The following ANKRD45 variants were observed in gnomAD, a reference collection of about 807,000 sequenced individuals.
The protein encoded by ANKRD45 is ankyrin repeat domain-containing protein 45.
Under a neutral mutation model 28.1 loss-of-function variants are expected in ANKRD45, and 21 were observed. That is an observed-to-expected ratio of 0.75 (90% CI 0.53 to 1.08). ANKRD45 has a LOEUF of 1.08. ANKRD45 is among the 50% of genes least tolerant of loss of function. The pLI is 0.00. For missense variants in ANKRD45, 261 were observed against 308.7 expected, an observed-to-expected ratio of 0.85 and a Z score of 1.16; for synonymous variants, 86 against 103.9, an observed-to-expected ratio of 0.83 and a Z score of 1.05.
intron 5 of ANKRD45, among the ~76,000 whole-genome samples, chr1:173,615,588 GA>G (rs984897021): frequency 1.3e-5 from 2 of 151,370 alleles, no homozygotes; most frequent in African/African-American, 4.9e-5. Flanking sequence ...ACTTTAAATA[GA>G]AAAAAAAGAC....
chr1:173,659,233 A>C lies in ANKRD45; in HGVS notation c.186T>G (p.His62Gln). ...AGAGAAGCTGCATGGCCTGTTCATG[A>C]TGAGGATTCTCAGGATCCTCAAATA... ...QKIFEDPENPHHEQAMQLLLE... is the reference protein window; with the variant it reads ...QKIFEDPENPQHEQAMQLLLE... Residue 62 changes from histidine to glutamine, a missense_variant, in exon 2 of 6, where the codon CAT becomes CAG. Coordinates refer to ENST00000333279, the MANE Select transcript of ANKRD45 (RefSeq NM_198493.3). 6.2e-7 allele frequency: 1 copy of C among 1,614,144 alleles called. No individual in the cohort carries two copies. Among genetic ancestry groups the C allele is most frequent in the African/African-American group, 1.3e-5 (1 of 75,030 alleles).
chr1:173,654,381 T>C lies in ANKRD45; in HGVS notation c.328+4710A>G, dbSNP rs189906087. Reference sequence around the variant, plus strand: ...AGCTTAGTTTGGCTGGATATGTAATTCTGGGTTGAAAATTCTTTTCTTTAA... The same window carrying C: ...AGCTTAGTTTGGCTGGATATGTAATCCTGGGTTGAAAATTCTTTTCTTTAA... On this transcript the variant is annotated intron_variant, in intron 2 of 5. Coordinates refer to ENST00000333279, the MANE Select transcript of ANKRD45 (RefSeq NM_198493.3). Among the ~76,000 whole-genome samples, 532 of 152,336 alleles carry C rather than the reference T, an allele frequency of 3.5e-3. 2 individuals carry two copies. The highest frequency in any genetic ancestry group is 0.012 in the African/African-American group (505 of 41,580).
At chr1:173,689,939 C>A in the ANKRD45 span, among the ~76,000 whole-genome samples, 3 of 151,834 alleles carry the variant, frequency 2.0e-5, no homozygotes, top group African/African-American at 7.2e-5. Context: ...GTAACTCGAC[C>A]CAAGTGTATA....
At chr1:173,680,382 CT>C in the ANKRD45 span, among the ~76,000 whole-genome samples, 1 of 152,112 alleles carries the variant, frequency 6.6e-6, no homozygotes, top group South Asian at 2.1e-4. Context: ...AGTCCACGTC[CT>C]TGGCAGGGAC....
chr1:173,635,804 G>A (rs552492014), intron 3 of ANKRD45: 13 of 1,533,166 alleles, frequency 8.5e-6, no homozygotes, highest in Non-Finnish European at 1.1e-5. Flanking sequence ...TGTTTTGTCT[G>A]TGCATTACCT....
intron 2 of ANKRD45, among the ~76,000 whole-genome samples, chr1:173,653,183 T>C (rs1468675031): frequency 6.6e-6 from 1 of 152,226 alleles, no homozygotes; most frequent in Non-Finnish European, 1.5e-5. Context: ...CTTTTAATTG[T>C]GATGTTAGGG....
chr1:173,655,396 G>C (rs1332789453), intron 2 of ANKRD45, among the ~76,000 whole-genome samples: 1 of 152,210 alleles, frequency 6.6e-6, no homozygotes, highest in Non-Finnish European at 1.5e-5. Context: ...GTCCACTCCA[G>C]ACCTGTTTGC....
the ANKRD45 span, among the ~76,000 whole-genome samples, chr1:173,679,698 A>T: frequency 6.6e-6 from 1 of 152,214 alleles, no homozygotes; most frequent in African/African-American, 2.4e-5. Context: ...GACAAATGGG[A>T]TCTAATTAAA....
the ANKRD45 span, among the ~76,000 whole-genome samples, chr1:173,694,222 G>C: frequency 6.6e-6 from 1 of 152,018 alleles, no homozygotes; most frequent in Middle Eastern, 3.2e-3. Context: ...GGAGTGCAGT[G>C]GCATGATCTT....
intron 5 of ANKRD45, among the ~76,000 whole-genome samples, chr1:173,613,677 C>G (rs539927148): frequency 2.9e-5 from 4 of 137,474 alleles, no homozygotes; most frequent in South Asian, 2.1e-4. Context: ...GGCCGCCGCC[C>G]CGTCCGGGAG....
At chr1:173,709,986 T>A in the ANKRD45 span, among the ~76,000 whole-genome samples, 19 of 152,310 alleles carry the variant, frequency 1.2e-4, no homozygotes, top group African/African-American at 4.6e-4. Flanking sequence ...ATTAAACAAC[T>A]AATTATGTAA....
chr1:173,651,573 T>C (rs1226943768), intron 2 of ANKRD45, among the ~76,000 whole-genome samples: 1 of 152,204 alleles, frequency 6.6e-6, no homozygotes, highest in Non-Finnish European at 1.5e-5. Context: ...GTCTTGGCAA[T>C]GCAGGGTCTT....
chr1:173,649,701 A>G (rs1215384808), intron 2 of ANKRD45, among the ~76,000 whole-genome samples: 6 of 152,158 alleles, frequency 3.9e-5, no homozygotes, highest in Non-Finnish European at 8.8e-5. Context: ...TTATATCTCA[A>G]GATATTCTGT....
In ANKRD45 at chr1:173,609,252, T is replaced by A; in HGVS notation, c.*893A>T. On this transcript the variant is annotated 3_prime_UTR_variant, in exon 6 of 6. Transcript: ENST00000333279. ...AAGTATTACTGAATTACCCATTCCT[T>A]TTCCTTCTCCCCATAAGGGAAAACT... Among the ~76,000 whole-genome samples the A allele has an allele frequency of 6.6e-6, 1 of 152,220 alleles. No homozygotes were observed. Among genetic ancestry groups the A allele is most frequent in the East Asian group, 1.9e-4 (1 of 5,198 alleles).
chr1:173,640,236 T>C (rs1263450038), intron 3 of ANKRD45, among the ~76,000 whole-genome samples: 2 of 152,144 alleles, frequency 1.3e-5, no homozygotes, highest in African/African-American at 2.4e-5. Flanking sequence ...GTCTCTCCTC[T>C]ACCTTTTCTT....
chr1:173,648,622 T>C (rs1571749768), intron 2 of ANKRD45, among the ~76,000 whole-genome samples: 1 of 152,218 alleles, frequency 6.6e-6, no homozygotes, highest in Non-Finnish European at 1.5e-5. Flanking sequence ...AAATAAGGTT[T>C]CATGATGACA....
At chr1:173,616,099 T>G (rs976190543) in intron 5 of ANKRD45, among the ~76,000 whole-genome samples, 2 of 148,204 alleles carry the variant, frequency 1.3e-5, no homozygotes, top group Non-Finnish European at 3.0e-5. Context: ...TGAGACTCCA[T>G]CTCAAAAAAA....
chr1:173,652,265 A>G (rs1448444365), intron 2 of ANKRD45, among the ~76,000 whole-genome samples: 1 of 152,180 alleles, frequency 6.6e-6, no homozygotes, highest in East Asian at 1.9e-4. Context: ...TTTGAGATAC[A>G]TTCCATCAAT....
rs537288731 is a variant in ANKRD45, at chr1:173,652,796, A to C, written c.329-5783T>G. ...AGATCCTGTTATTGGTCTATTCAGC[A>C]GTTCAACTTCTTCCTGGTTTAGTCT... On this transcript the variant is annotated intron_variant, in intron 2 of 5. Transcript: ENST00000333279. 7.0e-4 allele frequency among the ~76,000 whole-genome samples: 81 copies of C among 115,156 alleles called. 1 individual carries two copies. The African/African-American group carries it at 0.01, about 14-fold the overall frequency. 75.5% of individuals were successfully genotyped at this position (115,156 alleles called of 152,430 possible).
Sources: allele counts gnomAD v4.1 joint callset (sites outside exome capture counted in the v4.1 genomes callset), GRCh38; gene constraint gnomAD v4.1.1; transcripts MANE v1.5; gene names NCBI Gene and HGNC (gene_info 2026-07-23, HGNC 2026-07-21).